The following PTPRQ variants were observed in gnomAD, a reference collection of about 807,000 sequenced individuals.
PTPRQ encodes the protein phosphatidylinositol phosphatase PTPRQ.
Under a neutral mutation model 246.0 loss-of-function variants are expected in PTPRQ, and 199 were observed. That is an observed-to-expected ratio of 0.81 (90% CI 0.72 to 0.91). The LOEUF (loss-of-function observed/expected upper bound fraction) is 0.91, where lower values mean the gene tolerates loss of function less well. PTPRQ is among the 40% of genes least tolerant of loss of function. The probability of loss-of-function intolerance (pLI) is 0.00; values close to 1 mark genes in which losing one functional copy is unlikely to be tolerated. For missense variants in PTPRQ, 2,624 were observed against 2,528.4 expected (o/e 1.04, Z -0.81); for synonymous variants, 869 against 853.2 (o/e 1.02, Z -0.32).
intron 14 of PTPRQ, among the ~76,000 whole-genome samples, chr12:80,499,743 G>C (rs1894738849): frequency 6.6e-6 from 1 of 151,626 alleles, no homozygotes; most frequent in Non-Finnish European, 1.5e-5. Flanking sequence ...GTTCAAGCAG[G>C]AAAGATCAAT....
chr12:80,622,373 G>A (rs1254258698), intron 33 of PTPRQ, among the ~76,000 whole-genome samples: 2 of 152,080 alleles, frequency 1.3e-5, no homozygotes, highest in East Asian at 3.9e-4. Flanking sequence ...TTTAAGTTAG[G>A]TCAGTGCTTC....
intron 4 of PTPRQ, among the ~76,000 whole-genome samples, chr12:80,458,628 G>A (rs1172083554): frequency 1.3e-5 from 2 of 151,514 alleles, no homozygotes; most frequent in South Asian, 4.2e-4. Context: ...GGATCTTGGT[G>A]TTTTACTCTA....
chr12:80,579,675 T>C (rs1897375516), intron 25 of PTPRQ, among the ~76,000 whole-genome samples: 2 of 152,334 alleles, frequency 1.3e-5, no homozygotes, highest in South Asian at 4.1e-4. Context: ...TTGTAGCTGG[T>C]ATGCTGAAAT....
intron 8 of PTPRQ, among the ~76,000 whole-genome samples, chr12:80,481,630 T>C (rs1288765270): frequency 2.0e-5 from 3 of 151,988 alleles, no homozygotes; most frequent in African/African-American, 7.3e-5. Context: ...AAAACCCCAT[T>C]GTCTCAGCCC....
At chr12:80,566,606 C>T (rs1261802296) in intron 25 of PTPRQ, among the ~76,000 whole-genome samples, 1 of 152,150 alleles carries the variant, frequency 6.6e-6, no homozygotes, top group Non-Finnish European at 1.5e-5. Context: ...GTGGCACCAT[C>T]ACAGCTCACT....
intron 25 of PTPRQ, among the ~76,000 whole-genome samples, chr12:80,578,192 G>A (rs1897325776): frequency 6.7e-6 from 1 of 149,524 alleles, no homozygotes. Context: ...TTAGCATTAG[G>A]TATATCTCCT....
chr12:80,600,591 T>A (rs1898109879), intron 26 of PTPRQ, among the ~76,000 whole-genome samples: 1 of 151,798 alleles, frequency 6.6e-6, no homozygotes, highest in Non-Finnish European at 1.5e-5. Context: ...GCAACGATAA[T>A]GTGCCACTCT....
intron 17 of PTPRQ, 26 bp from the exon 18 acceptor site, chr12:80,533,989 T>C: frequency 7.0e-7 from 1 of 1,423,964 alleles, no homozygotes; most frequent in Non-Finnish European, 9.2e-7. Context: ...AATTCAATTC[T>C]ACAGATAATA....
At chr12:80,543,137 C>A (rs926158325) in intron 23 of PTPRQ, among the ~76,000 whole-genome samples, 8 of 152,020 alleles carry the variant, frequency 5.3e-5, no homozygotes, top group Non-Finnish European at 1.2e-4. Flanking sequence ...ACAGTTGCAT[C>A]ATTTTGTTAA....
At chr12:80,610,754 A>T in intron 28 of PTPRQ, 129 bp downstream of exon 28, 1 of 1,127,986 alleles carries the variant, frequency 8.9e-7, no homozygotes, top group East Asian at 2.7e-5. Flanking sequence ...CAAAAAAATT[A>T]GTGACTCTCT....
chr12:80,576,012 G>A (rs189105557), intron 25 of PTPRQ, among the ~76,000 whole-genome samples: 201 of 151,614 alleles, frequency 1.3e-3, no homozygotes, highest in African/African-American at 4.6e-3. Flanking sequence ...CTTCTCTCTC[G>A]CTTTCTCATA....
At chr12:80,509,384 C>G (rs1285367822) in intron 16 of PTPRQ, among the ~76,000 whole-genome samples, 1 of 152,006 alleles carries the variant, frequency 6.6e-6, no homozygotes, top group East Asian at 1.9e-4. Flanking sequence ...AAATAGTGAT[C>G]TGTATATGAA....
rs1485799737 is a variant in PTPRQ, at chr12:80,648,919, A to G, written c.5938A>G (p.Ile1980Val). 4.6e-6 allele frequency: 7 copies of G among 1,519,950 alleles called. No individual in the cohort carries two copies. The highest frequency in any genetic ancestry group is 1.7e-4 in the Middle Eastern group (1 of 5,922). The allele number at this position is 1,519,950 out of a possible 1,614,324, so 94.2% of individuals were successfully genotyped here. A position where few individuals can be genotyped will look rare whatever the true frequency, so the allele number is the denominator to read the frequency against. The change falls in exon 36 of 45, where the codon ATC (isoleucine) becomes GTC (valine). Residue 1980 changes from isoleucine to valine, a missense_variant. Coordinates refer to ENST00000644991, the MANE Select transcript of PTPRQ (RefSeq NM_001145026.2). ...LTRLLSYRKS[I>V]KPISKKSFLQ... is the part of the protein sequence containing the mutation. ...CAGGTTACTTAGTTATAGAAAATCC[A>G]TCAAGTAAGTTTGTTAAATATTTTC...
chr12:80,554,259 G>T (rs1188924288), intron 25 of PTPRQ, among the ~76,000 whole-genome samples: 1 of 152,044 alleles, frequency 6.6e-6, no homozygotes, highest in Non-Finnish European at 1.5e-5. Context: ...TGAGGTGATG[G>T]ATACCTCATT....
At chr12:80,643,732 A>G (rs1207627817) in intron 35 of PTPRQ, among the ~76,000 whole-genome samples, 1 of 152,204 alleles carries the variant, frequency 6.6e-6, no homozygotes, top group African/African-American at 2.4e-5. Flanking sequence ...TAAGCGATAG[A>G]ATATTGTAGA....
At chr12:80,461,659 G>A (rs1008272414) in intron 6 of PTPRQ, among the ~76,000 whole-genome samples, 11 of 150,236 alleles carry the variant, frequency 7.3e-5, no homozygotes, top group African/African-American at 2.7e-4. Context: ...TATAGTATCA[G>A]GCATTAGGTT....
At chr12:80,655,999 A>G (rs934479474) in intron 38 of PTPRQ, among the ~76,000 whole-genome samples, 3 of 152,218 alleles carry the variant, frequency 2.0e-5, no homozygotes, top group Non-Finnish European at 4.4e-5. Flanking sequence ...GAAATATTCC[A>G]ACACCACAAA....
rs765184647 is a variant in PTPRQ, at chr12:80,444,290, A to T, written c.-56A>T. On this transcript the variant is annotated 5_prime_UTR_variant, in exon 1 of 45. Coordinates refer to ENST00000644991, the MANE Select transcript of PTPRQ (RefSeq NM_001145026.2). ...CTGTCTTTAAATCATTAATGCAGGC[A>T]ACATTTCTCTCTAGAGCCATCAATG... 9.0e-6 allele frequency: 8 copies of T among 891,662 alleles called. No homozygotes were observed. Among genetic ancestry groups the T allele is most frequent in the Non-Finnish European group, 1.4e-5 (8 of 553,202 alleles). The allele number at this position is 891,662 out of a possible 1,614,324, so 55.2% of individuals were successfully genotyped here.
intron 17 of PTPRQ, among the ~76,000 whole-genome samples, chr12:80,517,954 A>G (rs1278094662): frequency 1.3e-5 from 2 of 152,156 alleles, no homozygotes; most frequent in South Asian, 2.1e-4. Context: ...GTAAGTGCAG[A>G]TATCTCTTCC....
Sources: gnomAD v4.1 joint callset for allele counts (sites outside exome capture counted in the v4.1 genomes callset) on GRCh38, gnomAD v4.1.1 for gene constraint, MANE v1.5 for transcripts, NCBI Gene and HGNC (gene_info 2026-07-23, HGNC 2026-07-21) for gene names.